SRFBP1: variants seen among roughly 807,000 people sequenced by gnomAD.
SRFBP1 encodes serum response factor binding protein 1.
Under a neutral mutation model 45.5 loss-of-function variants are expected in SRFBP1, and 47 were observed. That is an observed-to-expected ratio of 1.03 (90% CI 0.82 to 1.32). The LOEUF is 1.32. SRFBP1 is among the 40% of genes most tolerant of loss of function. SRFBP1 has a pLI of 0.00. For missense variants in SRFBP1, 621 were observed against 484.6 expected (o/e 1.28, Z -2.64); for synonymous variants, 203 against 166.3 (o/e 1.22, Z -1.70).
intron 2 of SRFBP1, among the ~76,000 whole-genome samples, chr5:122,044,306 G>T (rs1753816025): frequency 6.6e-6 from 1 of 152,152 alleles, no homozygotes; most frequent in South Asian, 2.1e-4. Flanking sequence ...GGGCTGCAGT[G>T]AACATACATG....
At chr5:122,041,795 A>C (rs148843397) in intron 2 of SRFBP1, among the ~76,000 whole-genome samples, 2 of 152,208 alleles carry the variant, frequency 1.3e-5, no homozygotes, top group African/African-American at 2.4e-5. Flanking sequence ...AATTTTCATA[A>C]TTCTTTATCT....
Position 122,066,821 on chromosome 5 carries a change from TAAAG to T in SRFBP1, n.312-8493_312-8490del, listed in dbSNP as rs1754314115. 9 of 968,304 alleles carry T rather than the reference TAAAG, an allele frequency of 9.3e-6. No homozygotes were observed. The East Asian group carries it at 2.2e-4, about 23-fold the overall frequency. 60.0% of individuals were successfully genotyped at this position (968,304 alleles called of 1,614,324 possible). The stretch of plus-strand genomic sequence containing the variant: ...AATGAATGAGTACAACAGACAAATT[TAAAG>T]TCAACCTTTTAAAAACTTTATGCAA... On this transcript the variant is annotated intron_variant and non_coding_transcript_variant, in intron 2 of 2. Coordinates refer to the SRFBP1 transcript ENST00000504881.
At chr5:122,006,666 A>G (rs1752981301) in intron 4 of SRFBP1, among the ~76,000 whole-genome samples, 1 of 151,878 alleles carries the variant, frequency 6.6e-6, no homozygotes, top group Non-Finnish European at 1.5e-5. Context: ...CTTCTGTTTG[A>G]TCAGTTCTGC....
At chr5:121,969,803 A>T (rs1469904855) in intron 1 of SRFBP1, among the ~76,000 whole-genome samples, 1 of 151,564 alleles carries the variant, frequency 6.6e-6, no homozygotes, top group East Asian at 1.9e-4. Flanking sequence ...TTTCCCTTCA[A>T]TTTCTGTCTT....
At chr5:122,019,463 C>A in intron 5 of SRFBP1, 122 bp downstream of exon 5, 2 of 785,750 alleles carry the variant, frequency 2.5e-6, no homozygotes, top group Non-Finnish European at 3.9e-6. Flanking sequence ...CAAATATTTA[C>A]CAGTGTGGAA....
At chr5:121,997,915 A>G (rs988056651) in intron 4 of SRFBP1, among the ~76,000 whole-genome samples, 17 of 149,870 alleles carry the variant, frequency 1.1e-4, no homozygotes, top group African/African-American at 3.9e-4. Flanking sequence ...ACATGAAAAA[A>G]TGCTCATCAT....
intron 7 of SRFBP1, among the ~76,000 whole-genome samples, chr5:122,024,883 A>T (rs994527974): frequency 1.3e-5 from 2 of 152,230 alleles, no homozygotes. Flanking sequence ...AAAATAATAC[A>T]TTCATTTAGA....
intron 4 of SRFBP1, among the ~76,000 whole-genome samples, chr5:121,994,994 A>G (rs569828330): frequency 6.7e-6 from 1 of 148,834 alleles, no homozygotes; most frequent in Non-Finnish European, 1.5e-5. Context: ...CTAAATATAT[A>G]TGCACCCAGA....
intron 4 of SRFBP1, among the ~76,000 whole-genome samples, chr5:122,001,737 AT>A (rs1207756425): frequency 1.3e-5 from 2 of 151,362 alleles, no homozygotes; most frequent in Non-Finnish European, 2.9e-5. Context: ...AATTTTTTGT[AT>A]TTTTAGTATA....
chr5:122,027,318 A>C lies in SRFBP1; in HGVS notation c.*192A>C. ...TGGGACTGCAGGTGCATGCACTACC[A>C]TGCCCAGCTTTCTCACCCCAGGCTC... On this transcript the variant is annotated 3_prime_UTR_variant, in exon 8 of 8. Transcript: ENST00000339397. 1 of 399,424 alleles carries C rather than the reference A, an allele frequency of 2.5e-6. No homozygotes were observed. 24.7% of individuals were successfully genotyped at this position (399,424 alleles called of 1,614,324 possible).
downstream of SRFBP1, chr5:122,077,509 C>T (rs998690460): frequency 6.2e-7 from 1 of 1,613,694 alleles, no homozygotes; most frequent in Non-Finnish European, 8.5e-7. This position sits in a 1 kb window ranked among gnomAD's most constrained non-coding sequence, Gnocchi z 4.9. Context: ...CGCGGCTGGG[C>T]GGCCGCAGGT....
intron 1 of SRFBP1, among the ~76,000 whole-genome samples, chr5:121,964,150 T>C (rs1285037109): frequency 6.6e-6 from 1 of 152,194 alleles, no homozygotes; most frequent in Non-Finnish European, 1.5e-5. Flanking sequence ...ACAGCTACTG[T>C]ACTAGCTTCC....
intron 2 of SRFBP1, chr5:122,070,193 G>A (rs750151222): frequency 7.7e-6 from 10 of 1,298,380 alleles, no homozygotes; most frequent in Non-Finnish European, 1.1e-5. Context: ...GAGTTCCTCA[G>A]TATTTCTTTT....
intron 3 of SRFBP1, among the ~76,000 whole-genome samples, chr5:121,977,993 G>A (rs1752338432): frequency 6.6e-6 from 1 of 151,966 alleles, no homozygotes; most frequent in Non-Finnish European, 1.5e-5. Context: ...CTTTTTCTTT[G>A]AAAGTTAGTT....
At chr5:122,051,903 A>T (rs989591865) in intron 2 of SRFBP1, among the ~76,000 whole-genome samples, 2 of 152,028 alleles carry the variant, frequency 1.3e-5, no homozygotes, top group African/African-American at 2.4e-5. Context: ...TCCTTTCCGT[A>T]TCGAGCACTC....
downstream of SRFBP1, chr5:122,076,120 G>A (rs1252814646): frequency 2.6e-5 from 4 of 152,146 alleles, no homozygotes; most frequent in African/African-American, 9.7e-5. Flanking sequence ...GCAAGACTCA[G>A]GAATGAAAAT....
chr5:122,032,809 T>C (rs747986150), downstream of SRFBP1, among the ~76,000 whole-genome samples: 10 of 152,252 alleles, frequency 6.6e-5, no homozygotes, highest in East Asian at 1.9e-4. Context: ...AGTGGGAATG[T>C]TGTGTCAGAA....
chr5:121,989,308 C>T (rs1021322945), intron 3 of SRFBP1, among the ~76,000 whole-genome samples: 4 of 151,946 alleles, frequency 2.6e-5, no homozygotes, highest in South Asian at 2.1e-4. Context: ...CATCGTGATC[C>T]GCCCACCTCA....
At chr5:122,059,590 G>A (rs1754139911) in intron 2 of SRFBP1, among the ~76,000 whole-genome samples, 1 of 152,062 alleles carries the variant, frequency 6.6e-6, no homozygotes, top group Non-Finnish European at 1.5e-5. Flanking sequence ...TTGGGAGAGG[G>A]ATGGATATAG....
Sources: gnomAD v4.1 joint callset for allele counts (sites outside exome capture counted in the v4.1 genomes callset) on GRCh38, gnomAD v4.1.1 for gene constraint, Gnocchi (gnomAD v3.1) non-coding constraint, MANE v1.5 for transcripts, NCBI Gene and HGNC (gene_info 2026-07-23, HGNC 2026-07-21) for gene names.